PTPRN2: variants seen among roughly 807,000 people sequenced by gnomAD.
PTPRN2 encodes the protein protein tyrosine phosphatase receptor type N2.
Under a neutral mutation model 118.8 loss-of-function variants are expected in PTPRN2, and 74 were observed. That is an observed-to-expected ratio of 0.62 (90% confidence interval 0.52 to 0.76). The LOEUF is 0.76. PTPRN2 is among the 30% of genes least tolerant of loss of function. PTPRN2 has a pLI of 0.00. For missense variants in PTPRN2, 1,481 were observed against 1,394.4 expected, an observed-to-expected ratio of 1.06 and a Z score of -0.99; for synonymous variants, 641 against 608.0, an observed-to-expected ratio of 1.05 and a Z score of -0.80.
At chr7:158,259,032 G>A (rs1797217813) in intron 3 of PTPRN2, among the ~76,000 whole-genome samples, 1 of 152,178 alleles carries the variant, frequency 6.6e-6, no homozygotes, top group Non-Finnish European at 1.5e-5. Context: ...GGTTGAGGCA[G>A]CAGCACCAGC....
At chr7:157,757,452 C>T (rs974248950) in intron 12 of PTPRN2, among the ~76,000 whole-genome samples, 4 of 152,044 alleles carry the variant, frequency 2.6e-5, no homozygotes, top group African/African-American at 9.7e-5. Flanking sequence ...CCGGTGGGGA[C>T]AAGGAGGACC....
chr7:158,548,939 C>T (rs1247960343), intron 1 of PTPRN2, among the ~76,000 whole-genome samples: 1 of 152,228 alleles, frequency 6.6e-6, no homozygotes, highest in African/African-American at 2.4e-5. Context: ...TGCCACCCAT[C>T]TCCTCCTTGG....
chr7:158,167,145 C>T lies in PTPRN2; in HGVS notation c.696G>A (p.Lys232=), dbSNP rs754436954. The change falls in exon 6 of 23, where the codon AAG becomes AAA. Residue 232 remains lysine, a synonymous_variant. Coordinates refer to ENST00000389418, the MANE Select transcript of PTPRN2 (RefSeq NM_002847.5). ...GQLQPDELSP[K]VDSGVDRHHL... The stretch of plus-strand genomic sequence containing the variant: ...GGTGTCTGTCCACACCACTGTCCAC[C>T]TTAGGGCTGAGCTCATCTGGCTGGA... 1.9e-6 allele frequency: 3 copies of T among 1,614,000 alleles called. No homozygotes were observed. The highest frequency in any genetic ancestry group is 1.7e-6 in the Non-Finnish European group (2 of 1,179,996).
chr7:158,152,713 C>T (rs1341843039), intron 6 of PTPRN2, among the ~76,000 whole-genome samples: 1 of 152,210 alleles, frequency 6.6e-6, no homozygotes, highest in East Asian at 1.9e-4. Flanking sequence ...CTATAAAAAC[C>T]CCCAAGACCC....
chr7:158,523,412 G>A (rs1824384767), intron 1 of PTPRN2, among the ~76,000 whole-genome samples: 1 of 136,200 alleles, frequency 7.3e-6, no homozygotes, highest in African/African-American at 2.6e-5. Context: ...CTGCCCTGGA[G>A]CGGAGTCTGC....
At chr7:157,966,260 T>G (rs891275397) in intron 11 of PTPRN2, among the ~76,000 whole-genome samples, 5 of 152,188 alleles carry the variant, frequency 3.3e-5, no homozygotes, top group Non-Finnish European at 7.3e-5. Flanking sequence ...CTTCCTGTTT[T>G]GTTTCCTGAG....
chr7:157,545,856 C>A (rs139461887), intron 22 of PTPRN2, among the ~76,000 whole-genome samples: 1 of 152,146 alleles, frequency 6.6e-6, no homozygotes, highest in Admixed American at 6.5e-5. Context: ...TGACTTCCTC[C>A]GTTCAAAGGA....
At chr7:158,514,530 C>G (rs916789441) in intron 1 of PTPRN2, among the ~76,000 whole-genome samples, 1 of 152,146 alleles carries the variant, frequency 6.6e-6, no homozygotes, top group Non-Finnish European at 1.5e-5. Context: ...CTGTGAGACA[C>G]GACACATCCC....
rs945079869 is a variant in PTPRN2, at chr7:157,764,059, A to G, written c.1789-81122T>C. Among the ~76,000 whole-genome samples the G allele has an allele frequency of 1.3e-5, 2 of 152,180 alleles. No homozygotes were observed. The highest frequency in any genetic ancestry group is 4.8e-5 in the African/African-American group (2 of 41,444). ...AGAGGCCATGCACGCACCCTCTAGG[A>G]TGGCCGTAACTAAACACACACACAC... On this transcript the variant is annotated intron_variant, in intron 12 of 22. Transcript: ENST00000389418. The surrounding 1 kb of genome is among the most constrained non-coding windows in gnomAD (Gnocchi z 4.5).
intron 11 of PTPRN2, among the ~76,000 whole-genome samples, chr7:158,062,711 C>T (rs1416115276): frequency 6.6e-6 from 1 of 152,204 alleles, no homozygotes; most frequent in East Asian, 1.9e-4. Context: ...GGGCTTAGCA[C>T]CCAGGCCAGC....
intron 1 of PTPRN2, among the ~76,000 whole-genome samples, chr7:158,504,286 G>C (rs781533268): frequency 1.3e-5 from 2 of 152,100 alleles, no homozygotes; most frequent in Non-Finnish European, 2.9e-5. Flanking sequence ...TTCCTGCACA[G>C]AGCATCCCCT....
intron 6 of PTPRN2, among the ~76,000 whole-genome samples, chr7:158,153,754 T>C (rs891070936): frequency 4.6e-5 from 7 of 152,032 alleles, no homozygotes; most frequent in South Asian, 2.1e-4. Flanking sequence ...TATCATCTGA[T>C]TGACAAATTT....
intron 12 of PTPRN2, among the ~76,000 whole-genome samples, chr7:157,734,800 G>T (rs1476929577): frequency 1.3e-5 from 2 of 152,210 alleles, no homozygotes; most frequent in Non-Finnish European, 1.5e-5. Context: ...TCCCACCCGT[G>T]TCATGGATGA....
chr7:157,800,822 G>T (rs1413273612), intron 12 of PTPRN2, among the ~76,000 whole-genome samples: 2 of 151,758 alleles, frequency 1.3e-5, no homozygotes, highest in Admixed American at 1.3e-4. Context: ...TGTGGTGGCG[G>T]GCACCTGTAG....
chr7:158,350,081 A>C (rs1185891527), intron 2 of PTPRN2, among the ~76,000 whole-genome samples: 1 of 152,208 alleles, frequency 6.6e-6, no homozygotes, highest in Non-Finnish European at 1.5e-5. Context: ...ATCCTCAAAC[A>C]GAATGGCTGC....
In PTPRN2 at chr7:158,255,455, G is replaced by A. The variant is rs115345989; in HGVS notation, c.278-50182C>T. On this transcript the variant is annotated intron_variant, in intron 3 of 22. Coordinates refer to ENST00000389418, the MANE Select transcript of PTPRN2 (RefSeq NM_002847.5). The stretch of plus-strand genomic sequence containing the variant: ...ACTCCACCACCAAAGATCCGCGGCC[G>A]AACCACCTTGCTGAAATTTAACCTG... 6.2e-3 allele frequency among the ~76,000 whole-genome samples: 941 copies of A among 152,280 alleles called. 5 individuals carry two copies. Among genetic ancestry groups the A allele is most frequent in the African/African-American group, 0.013 (529 of 41,558 alleles).
At chr7:157,653,678 G>A (rs1805828857) in intron 14 of PTPRN2, among the ~76,000 whole-genome samples, 1 of 152,128 alleles carries the variant, frequency 6.6e-6, no homozygotes, top group African/African-American at 2.4e-5. Flanking sequence ...GAGAGGGCAC[G>A]GGAATGCACT....
At chr7:157,553,335 C>G (rs541956663) in intron 21 of PTPRN2, among the ~76,000 whole-genome samples, 11 of 152,342 alleles carry the variant, frequency 7.2e-5, no homozygotes, top group African/African-American at 2.6e-4. Flanking sequence ...CTGTCCCTCA[C>G]TGGCAACCGC....
At chr7:158,372,158 C>T (rs1386003009) in intron 2 of PTPRN2, among the ~76,000 whole-genome samples, 3 of 152,196 alleles carry the variant, frequency 2.0e-5, no homozygotes, top group Non-Finnish European at 2.9e-5. Flanking sequence ...GGAGTCTCAC[C>T]TGCCCACCCC....
Sources: allele counts gnomAD v4.1 joint callset (sites outside exome capture counted in the v4.1 genomes callset), GRCh38; gene constraint gnomAD v4.1.1; non-coding constraint Gnocchi (gnomAD v3.1); transcripts MANE v1.5; gene names NCBI Gene and HGNC (gene_info 2026-07-23, HGNC 2026-07-21).